PLA2G4D: variants seen among roughly 807,000 people sequenced by gnomAD.
The protein encoded by PLA2G4D is phospholipase A2 group IVD, also known as cytosolic phospholipase A2 delta.
A neutral mutation model predicts 94.4 loss-of-function variants in PLA2G4D; 80 were observed. The ratio of observed to expected loss-of-function variants is 0.85; its 90% CI spans 0.71 to 1.02. The LOEUF (loss-of-function observed/expected upper bound fraction) is 1.02, where lower values mean the gene tolerates loss of function less well. PLA2G4D is among the 50% of genes least tolerant of loss of function. The pLI, the probability that PLA2G4D is intolerant of heterozygous loss-of-function variation, is 0.00. For missense variants in PLA2G4D, 1,050 were observed against 1,034.7 expected, an observed-to-expected ratio of 1.01 and a Z score of -0.20; for synonymous variants, 438 against 440.9, an observed-to-expected ratio of 0.99 and a Z score of 0.08.
chr15:42,086,327 G>A lies in PLA2G4D; in HGVS notation c.273C>T (p.Ser91=), dbSNP rs750543528. The A allele has an allele frequency of 6.8e-6, 11 of 1,613,664 alleles. No individual in the cohort carries two copies. Among genetic ancestry groups the A allele is most frequent in the Non-Finnish European group, 9.3e-6 (11 of 1,179,896 alleles). The change falls in exon 4 of 20, where the codon AGC becomes AGT. Residue 91 remains serine, a synonymous_variant. Transcript: ENST00000290472. ...CCGTGACTGAGTCCTCATCATAGAT[G>A]CTAAGCTCCAGAACATTCTAGGAAC... ...QSQVKNVLEL[S]IYDEDSVTED... is the part of the protein sequence containing the mutation.
At chr15:42,079,506 CG>C in intron 13 of PLA2G4D, 30 bp downstream of exon 13, 1 of 1,558,656 alleles carries the variant, frequency 6.4e-7, no homozygotes, top group Non-Finnish European at 8.6e-7. Flanking sequence ...GGTGCACACA[CG>C]CGTCTCCCCC....
chr15:42,086,199 AC>A lies in PLA2G4D; in HGVS notation c.387+13del. 3 of 233,090 alleles carry A rather than the reference AC, an allele frequency of 1.3e-5. No homozygotes were observed. The highest frequency in any genetic ancestry group is 1.5e-5 in the Non-Finnish European group (2 of 132,676). 14.4% of individuals were successfully genotyped at this position (233,090 alleles called of 1,614,324 possible). Reference sequence around the variant, plus strand: ...AAGTGGGGCCCACGGGGACTTCCCCACCCACCCACCCACCTGGGGACTCTGG... The same window carrying A: ...AAGTGGGGCCCACGGGGACTTCCCCACCACCCACCCACCTGGGGACTCTGG... On this transcript the variant is annotated intron_variant, in intron 4 of 19. Coordinates refer to ENST00000290472, the MANE Select transcript of PLA2G4D (RefSeq NM_178034.4).
At chr15:42,083,962 G>T in intron 6 of PLA2G4D, 183 bp from the exon 7 acceptor site, 1 of 603,904 alleles carries the variant, frequency 1.7e-6, no homozygotes, top group Non-Finnish European at 2.9e-6. Flanking sequence ...GGCTGAACCT[G>T]ATATTCCGCA....
intron 19 of PLA2G4D, 94 bp from the exon 20 acceptor site, chr15:42,069,035 C>A (rs1445848981): frequency 9.6e-7 from 1 of 1,036,714 alleles, no homozygotes. Flanking sequence ...GCTGGAGGGG[C>A]CCCTGCTTTC....
At chr15:42,083,497 A>AC (rs1890081994) in intron 7 of PLA2G4D, among the ~76,000 whole-genome samples, 163 bp from the exon 8 acceptor site, 1 of 151,630 alleles carries the variant, frequency 6.6e-6, no homozygotes, top group African/African-American at 2.4e-5. Flanking sequence ...GGGCCCCACA[A>AC]CCCCCCATCC....
chr15:42,070,202 T>G, intron 18 of PLA2G4D, 107 bp from the exon 19 acceptor site: 2 of 1,151,360 alleles, frequency 1.7e-6, no homozygotes, highest in Non-Finnish European at 2.3e-6. Flanking sequence ...AGCCTGGCTC[T>G]GTCCTGTTTG....
Position 42,068,746 on chromosome 15 carries a change from A to G in PLA2G4D, c.2426T>C (p.Leu809Pro). The change falls in exon 20 of 20, where the codon CTA (leucine) becomes CCA (proline). Residue 809 changes from leucine to proline, a missense_variant. Transcript: ENST00000290472. ...ALRTALKHRT[L>P]EARPPRAQT is the part of the protein sequence containing the mutation. ...CTGTGCCCTTGGAGGCCTCGCCTCT[A>G]GAGTCCGGTGCTTCAGCGCGGTCCT... 6.2e-7 allele frequency: 1 copy of G among 1,610,914 alleles called. No individual in the cohort carries two copies. Among genetic ancestry groups the G allele is most frequent in the Non-Finnish European group, 8.5e-7 (1 of 1,178,504 alleles).
chr15:42,070,644 CA>C, intron 18 of PLA2G4D, 72 bp downstream of exon 18: 1 of 1,474,338 alleles, frequency 6.8e-7, no homozygotes, highest in Non-Finnish European at 9.2e-7. Flanking sequence ...GGCAGGGGCT[CA>C]GTGGCCCTGC....
intron 4 of PLA2G4D, 38 bp downstream of exon 4, chr15:42,086,175 A>G (rs994822142): frequency 2.6e-6 from 4 of 1,529,566 alleles, no homozygotes; most frequent in Non-Finnish European, 1.8e-6. Context: ...AGTTGGAAGA[A>G]GTGGGGCCCA....
rs568703242 is a variant in PLA2G4D, at chr15:42,083,210, G to C, written c.660C>G (p.Ser220Arg). ...HYMAALETEL[S>R]GRLRSSRSNG... ...AGCCAAGACCCACCCTCAGGCGCCC[G>C]CTCAGCTCTGTCTCTAGGGCTGCCA... is the stretch of plus-strand genomic sequence containing the variant. The change falls in exon 8 of 20, where the codon AGC (serine) becomes AGG (arginine). Residue 220 changes from serine (S) to arginine (R), a missense_variant. By Grantham distance (110) the Ser-to-Arg change is moderately radical (BLOSUM62 -1). Coordinates refer to ENST00000290472, the MANE Select transcript of PLA2G4D (RefSeq NM_178034.4). 6.2e-7 allele frequency: 1 copy of C among 1,613,796 alleles called. No individual in the cohort carries two copies. Among genetic ancestry groups the C allele is most frequent in the Non-Finnish European group, 8.5e-7 (1 of 1,179,864 alleles).
At chr15:42,092,696 G>T (rs760778751) in intron 1 of PLA2G4D, among the ~76,000 whole-genome samples, 2 of 152,144 alleles carry the variant, frequency 1.3e-5, no homozygotes, top group Non-Finnish European at 1.5e-5. Context: ...TGAACCTTGC[G>T]CAGGGACCCC....
At chr15:42,087,110 T>C (rs1184631104) in intron 3 of PLA2G4D, among the ~76,000 whole-genome samples, 190 bp downstream of exon 3, 1 of 152,096 alleles carries the variant, frequency 6.6e-6, no homozygotes, top group Non-Finnish European at 1.5e-5. Flanking sequence ...CCACAGCCAG[T>C]TGGTGAAAGG....
intron 1 of PLA2G4D, among the ~76,000 whole-genome samples, chr15:42,092,020 G>A (rs375324683): frequency 5.9e-5 from 9 of 152,120 alleles, no homozygotes; most frequent in Admixed American, 2.0e-4. Flanking sequence ...ACCGGTCTCC[G>A]CGCATTGGTG....
chr15:42,079,424 A>T, intron 13 of PLA2G4D, 113 bp downstream of exon 13: 1 of 1,046,894 alleles, frequency 9.6e-7, no homozygotes, highest in Non-Finnish European at 1.4e-6. Context: ...ACACTAAAAC[A>T]CTGGCTCTTC....
chr15:42,092,542 G>T (rs1159991099), intron 1 of PLA2G4D, among the ~76,000 whole-genome samples: 1 of 152,176 alleles, frequency 6.6e-6, no homozygotes, highest in African/African-American at 2.4e-5. Context: ...GGGCATAGGG[G>T]CGTCACATTC....
In PLA2G4D at chr15:42,071,848, T is replaced by C. The variant is rs146739833; in HGVS notation, c.1499A>G (p.Glu500Gly). ...CATGAAGAACTCGGAGCCGAAGAGC[T>C]CAGGAGGGACGAAGGCCCCGTACTT... ...FLKYGAFVPP[E>G]LFGSEFFMGR... Residue 500 changes from glutamate to glycine, a missense_variant, in exon 15 of 20, where the codon GAG becomes GGG. Coordinates refer to ENST00000290472, the MANE Select transcript of PLA2G4D (RefSeq NM_178034.4). 3,770 of 1,613,996 alleles carry C rather than the reference T, an allele frequency of 2.3e-3. 9 individuals are homozygous for C. The highest frequency in any genetic ancestry group is 2.8e-3 in the South Asian group (259 of 91,074).
In PLA2G4D at chr15:42,085,141, G is replaced by A. The variant is rs747324603; in HGVS notation, c.429-3C>T. The A allele has an allele frequency of 6.8e-6, 11 of 1,614,168 alleles. No individual in the cohort carries two copies. Among genetic ancestry groups the A allele is most frequent in the East Asian group, 2.2e-5 (1 of 44,870 alleles). On this transcript the variant is annotated splice_polypyrimidine_tract_variant and splice_region_variant and intron_variant, in intron 5 of 19. Transcript: ENST00000290472. ...TGAGGTTTTCTGGGCGATCTGACCTGGAAAAATCAAACCATGCAAAGGCAA... is the reference window on the plus strand; with the variant it reads ...TGAGGTTTTCTGGGCGATCTGACCTAGAAAAATCAAACCATGCAAAGGCAA...
chr15:42,091,426 C>T (rs988731586), intron 1 of PLA2G4D, among the ~76,000 whole-genome samples: 3 of 152,258 alleles, frequency 2.0e-5, no homozygotes, highest in Admixed American at 2.0e-4. Flanking sequence ...GAGTGCGAGC[C>T]TTCTGTTATG....
intron 12 of PLA2G4D, among the ~76,000 whole-genome samples, chr15:42,080,562 T>C (rs371489112): frequency 9.2e-5 from 14 of 152,292 alleles, no homozygotes; most frequent in Admixed American, 5.9e-4. Flanking sequence ...TAAAAAGAGC[T>C]ACCAATTAGG....
Sources: allele counts gnomAD v4.1 joint callset (sites outside exome capture counted in the v4.1 genomes callset), GRCh38; gene constraint gnomAD v4.1.1; transcripts MANE v1.5; gene names NCBI Gene and HGNC (gene_info 2026-07-23, HGNC 2026-07-21).